The following SCHIP1 variants were observed in gnomAD, a reference collection of about 807,000 sequenced individuals.
SCHIP1 encodes schwannomin-interacting protein 1.
In SCHIP1, 8 loss-of-function variants were observed where a neutral mutation model predicts 29.7. That is an observed-to-expected ratio of 0.27 (90% CI 0.16 to 0.49). The LOEUF (loss-of-function observed/expected upper bound fraction) is 0.49. SCHIP1 is among the 20% of genes least tolerant of loss of function. The pLI is 0.99. For missense variants in SCHIP1, 193 were observed against 294.6 expected (o/e 0.66, Z 2.52); for synonymous variants, 76 against 94.9 (o/e 0.80, Z 1.16).
chr3:159,462,008 G>A, the SCHIP1 span, among the ~76,000 whole-genome samples: 13 of 152,058 alleles, frequency 8.5e-5, no homozygotes, highest in African/African-American at 2.4e-4. Flanking sequence ...TCAGGGGTTC[G>A]AGTCTGGCCT....
chr3:159,665,125 T>C, the SCHIP1 span, among the ~76,000 whole-genome samples: 1 of 152,194 alleles, frequency 6.6e-6, no homozygotes, highest in African/African-American at 2.4e-5. Context: ...GCTCTAGCAT[T>C]GGTATTTTCT....
the SCHIP1 span, among the ~76,000 whole-genome samples, chr3:159,742,834 A>ATTTTTTTTTTT: frequency 1.4e-3 from 159 of 110,792 alleles, no homozygotes; most frequent in African/African-American, 1.9e-3. Context: ...CGCCTAGCTA[A>ATTTTTTTTTTT]TTTTTTTTTT....
the SCHIP1 span, among the ~76,000 whole-genome samples, chr3:159,781,531 C>A: frequency 6.6e-6 from 1 of 152,188 alleles, no homozygotes; most frequent in African/African-American, 2.4e-5. Flanking sequence ...GCATAGCACA[C>A]AAAATGATGT....
chr3:159,791,472 G>C, the SCHIP1 span, among the ~76,000 whole-genome samples: 1 of 152,254 alleles, frequency 6.6e-6, no homozygotes, highest in Non-Finnish European at 1.5e-5. Flanking sequence ...CCTCAGGGAG[G>C]GGAGACAGAG....
At chr3:159,418,289 A>T in the SCHIP1 span, among the ~76,000 whole-genome samples, 18 of 152,228 alleles carry the variant, frequency 1.2e-4, no homozygotes, top group African/African-American at 4.3e-4. Flanking sequence ...GCCAAACAAC[A>T]CTGCCAAGGA....
chr3:159,397,595 C>G, the SCHIP1 span, among the ~76,000 whole-genome samples: 2 of 152,216 alleles, frequency 1.3e-5, no homozygotes, highest in Non-Finnish European at 2.9e-5. Flanking sequence ...AGGTGTCAAT[C>G]TTCCCCTGCT....
the SCHIP1 span, among the ~76,000 whole-genome samples, chr3:159,342,986 A>G: frequency 6.6e-6 from 1 of 152,190 alleles, no homozygotes; most frequent in Non-Finnish European, 1.5e-5. Flanking sequence ...CAGACAAACA[A>G]TTACAATGCT....
the SCHIP1 span, among the ~76,000 whole-genome samples, chr3:159,325,485 G>A: frequency 3.9e-5 from 6 of 152,050 alleles, no homozygotes; most frequent in African/African-American, 1.4e-4. Flanking sequence ...TACCAGTCTG[G>A]GAAAGTTGGC....
At chr3:159,670,427 C>T in the SCHIP1 span, among the ~76,000 whole-genome samples, 1 of 152,126 alleles carries the variant, frequency 6.6e-6, no homozygotes, top group African/African-American at 2.4e-5. Context: ...TTAAACAGCA[C>T]AGAAAAATTC....
At chr3:159,336,281 C>T in the SCHIP1 span, among the ~76,000 whole-genome samples, 1 of 151,930 alleles carries the variant, frequency 6.6e-6, no homozygotes, top group East Asian at 1.9e-4. Flanking sequence ...AAATTTTCTC[C>T]CATTCTGTAG....
At chr3:159,302,891 T>A in the SCHIP1 span, among the ~76,000 whole-genome samples, 5 of 152,120 alleles carry the variant, frequency 3.3e-5, no homozygotes, top group Admixed American at 1.3e-4. Context: ...CAAATAAGAC[T>A]AAAATTATGT....
At chr3:159,759,960 C>A in the SCHIP1 span, among the ~76,000 whole-genome samples, 2 of 152,176 alleles carry the variant, frequency 1.3e-5, no homozygotes, top group South Asian at 4.2e-4. Context: ...ATAGCACTGA[C>A]CCCTGAGGAA....
chr3:159,347,724 A>G, the SCHIP1 span, among the ~76,000 whole-genome samples: 1 of 152,162 alleles, frequency 6.6e-6, no homozygotes, highest in Admixed American at 6.6e-5. Context: ...ATTTTTAACC[A>G]AGCTTTGGGG....
the SCHIP1 span, among the ~76,000 whole-genome samples, chr3:159,463,984 C>G: frequency 6.6e-6 from 1 of 152,074 alleles, no homozygotes; most frequent in Non-Finnish European, 1.5e-5. Flanking sequence ...TCATTTATGT[C>G]ATTTGTATAT....
the SCHIP1 span, among the ~76,000 whole-genome samples, chr3:159,578,751 G>GTC: frequency 3.4e-5 from 5 of 146,850 alleles, no homozygotes; most frequent in Non-Finnish European, 7.4e-5. Flanking sequence ...GTGTCTGTCT[G>GTC]TCTCTCTCTC....
the SCHIP1 span, among the ~76,000 whole-genome samples, chr3:159,420,136 A>G: frequency 0.16 from 24,909 of 152,178 alleles, 2,391 homozygotes; most frequent in South Asian, 0.37. Flanking sequence ...ATAGATTTAA[A>G]ATGTAATTAA....
At chr3:159,639,692 A>G in the SCHIP1 span, among the ~76,000 whole-genome samples, 5 of 152,112 alleles carry the variant, frequency 3.3e-5, no homozygotes, top group Non-Finnish European at 7.3e-5. Context: ...GTTTGTAACA[A>G]TCTATTTTAT....
At chr3:159,489,503 A>G in the SCHIP1 span, among the ~76,000 whole-genome samples, 1 of 152,190 alleles carries the variant, frequency 6.6e-6, no homozygotes, top group Non-Finnish European at 1.5e-5. Flanking sequence ...TATTTGTGAG[A>G]GTGTAAATAA....
the SCHIP1 span, among the ~76,000 whole-genome samples, chr3:159,283,456 T>A: frequency 6.6e-6 from 1 of 152,100 alleles, no homozygotes. Flanking sequence ...ATGCCCGGCA[T>A]ATTTTTTACT....
Sources: allele counts gnomAD v4.1 joint callset (sites outside exome capture counted in the v4.1 genomes callset), GRCh38; gene constraint gnomAD v4.1.1; transcripts MANE v1.5; gene names NCBI Gene and HGNC (gene_info 2026-07-23, HGNC 2026-07-21).